C8B: variants seen among roughly 807,000 people sequenced by gnomAD.
C8B encodes complement component C8 beta chain.
A neutral mutation model predicts 64.6 loss-of-function variants in C8B; 67 were observed. The ratio of observed to expected loss-of-function variants is 1.04; its 90% CI spans 0.85 to 1.27. The LOEUF is 1.27. C8B is among the 50% of genes most tolerant of loss of function. The probability of loss-of-function intolerance (pLI) is 0.00; values close to 1 mark genes in which losing one functional copy is unlikely to be tolerated. For missense variants in C8B, 790 were observed against 725.2 expected, an observed-to-expected ratio of 1.09 and a Z score of -1.03; for synonymous variants, 284 against 257.7, an observed-to-expected ratio of 1.10 and a Z score of -0.98.
intron 6 of C8B, among the ~76,000 whole-genome samples, chr1:56,948,889 G>C (rs1180425073): frequency 6.6e-6 from 1 of 152,042 alleles, no homozygotes; most frequent in Non-Finnish European, 1.5e-5. Context: ...GAGAAGTTCT[G>C]GTCTTCAAAG....
chr1:56,963,583 G>A (rs1645209291), intron 1 of C8B, among the ~76,000 whole-genome samples: 3 of 148,382 alleles, frequency 2.0e-5, no homozygotes, highest in African/African-American at 4.9e-5. Context: ...GGAGGTTGGG[G>A]GGTGGTGGGG....
chr1:56,961,225 A>G (rs558610689), intron 1 of C8B, among the ~76,000 whole-genome samples: 2 of 152,338 alleles, frequency 1.3e-5, no homozygotes, highest in East Asian at 3.9e-4. Flanking sequence ...AGGGTGTATT[A>G]CACTGTAAGA....
At chr1:56,957,842 T>G (rs1396143132) in intron 2 of C8B, among the ~76,000 whole-genome samples, 2 of 152,060 alleles carry the variant, frequency 1.3e-5, no homozygotes, top group Non-Finnish European at 2.9e-5. Context: ...TGCACACTCA[T>G]CGGGAGTCCC....
chr1:56,965,222 C>T lies in C8B; in HGVS notation c.92+635G>A, dbSNP rs144288852. ...GGGTTTCTCATGCACACGGAGCATC[C>T]CCACATTGCTACGTCACTGGCTCTT... On this transcript the variant is annotated intron_variant, in intron 1 of 11. Transcript: ENST00000371237. Among the ~76,000 whole-genome samples the T allele has an allele frequency of 3.4e-3, 512 of 152,250 alleles. 4 individuals are homozygous for T. The highest frequency in any genetic ancestry group is 0.012 in the African/African-American group (492 of 41,550).
chr1:56,952,512 T>C (rs535429923), intron 4 of C8B, among the ~76,000 whole-genome samples: 1 of 152,310 alleles, frequency 6.6e-6, no homozygotes, highest in East Asian at 1.9e-4. Context: ...GTTGCCACTA[T>C]GGTGAGAGGT....
intron 5 of C8B, among the ~76,000 whole-genome samples, chr1:56,950,425 G>A (rs948083164): frequency 2.0e-5 from 3 of 152,192 alleles, no homozygotes; most frequent in African/African-American, 7.2e-5. Flanking sequence ...GAACTTAGGA[G>A]AGCCATTTGC....
Position 56,949,612 on chromosome 1 carries a change from A to G in C8B, c.807T>C (p.Ser269=), listed in dbSNP as rs1216400582. The G allele has an allele frequency of 1.9e-6, 3 of 1,614,070 alleles. No homozygotes were observed. Among genetic ancestry groups the G allele is most frequent in the Non-Finnish European group, 2.5e-6 (3 of 1,179,966 alleles). Residue 269 remains serine (S), a synonymous_variant, in exon 6 of 12, where the codon AGT becomes AGC. Coordinates refer to ENST00000371237, the MANE Select transcript of C8B (RefSeq NM_000066.4). ...AGTGTTTGCCTCGATCACTTTGACTACTGATGCCAAGTTCAAATATTCCAG... is the reference window on the plus strand; with the variant it reads ...AGTGTTTGCCTCGATCACTTTGACTGCTGATGCCAAGTTCAAATATTCCAG... The part of the protein sequence containing the change: ...KIPGIFELGI[S]SQSDRGKHYI...
rs74074306 is a variant in C8B, at chr1:56,953,108, T to A, written c.534-928A>T. 1.8e-3 allele frequency among the ~76,000 whole-genome samples: 274 copies of A among 152,300 alleles called. 2 individuals are homozygous for A. The highest frequency in any genetic ancestry group is 6.2e-3 in the African/African-American group (258 of 41,566). Reference sequence around the variant, plus strand: ...CTGCAGCTCTGTGCAATAGATGTTATCTCCATTTTAGAGAGGAAAAGAATC... The same window carrying A: ...CTGCAGCTCTGTGCAATAGATGTTAACTCCATTTTAGAGAGGAAAAGAATC... On this transcript the variant is annotated intron_variant, in intron 4 of 11. Coordinates refer to ENST00000371237, the MANE Select transcript of C8B (RefSeq NM_000066.4).
chr1:56,954,021 C>G (rs1361234248), intron 4 of C8B, among the ~76,000 whole-genome samples: 1 of 152,150 alleles, frequency 6.6e-6, no homozygotes, highest in Non-Finnish European at 1.5e-5. Flanking sequence ...GGTCAGTGTT[C>G]CCCTCCCCAG....
chr1:56,957,682 T>C (rs1033318695), intron 2 of C8B, among the ~76,000 whole-genome samples: 2 of 152,128 alleles, frequency 1.3e-5, no homozygotes, highest in Non-Finnish European at 2.9e-5. Context: ...GTTGAAAAGG[T>C]AGATGTTATT....
intron 1 of C8B, among the ~76,000 whole-genome samples, chr1:56,965,351 T>C (rs1645237824): frequency 6.6e-6 from 1 of 151,530 alleles, no homozygotes; most frequent in Non-Finnish European, 1.5e-5. Context: ...TCAGCCAGCA[T>C]TTAACTGCTG....
At chr1:56,940,367 C>G (rs1254668115) in intron 9 of C8B, among the ~76,000 whole-genome samples, 3 of 151,198 alleles carry the variant, frequency 2.0e-5, no homozygotes, top group South Asian at 4.2e-4. Flanking sequence ...CAGTTCAAGA[C>G]CAACCTGGGC....
intron 10 of C8B, 65 bp downstream of exon 10, chr1:56,933,270 G>T (rs1644728067): frequency 7.3e-7 from 1 of 1,374,604 alleles, no homozygotes; most frequent in Non-Finnish European, 1.0e-6. Flanking sequence ...CAGGCAAATG[G>T]CTGGCCCCCG....
intron 9 of C8B, among the ~76,000 whole-genome samples, chr1:56,938,544 A>G (rs1249766285): frequency 6.6e-6 from 1 of 152,074 alleles, no homozygotes; most frequent in African/African-American, 2.4e-5. Context: ...ACATAATTTC[A>G]ATCTTTTGTG....
Position 56,964,885 on chromosome 1 carries a change from G to C in C8B, c.92+972C>G, listed in dbSNP as rs114892856. Among the ~76,000 whole-genome samples, 483 of 152,280 alleles carry C rather than the reference G, an allele frequency of 3.2e-3. 3 individuals carry two copies. Among genetic ancestry groups the C allele is most frequent in the African/African-American group, 0.011 (450 of 41,548 alleles). ...CTCTGTGTACACACAGTACACACAA[G>C]GAAGGTCTTGGCAGCTTAGTTATTC... On this transcript the variant is annotated intron_variant, in intron 1 of 11. Coordinates refer to ENST00000371237, the MANE Select transcript of C8B (RefSeq NM_000066.4).
chr1:56,936,282 A>G (rs1231929171), intron 9 of C8B, among the ~76,000 whole-genome samples: 1 of 152,208 alleles, frequency 6.6e-6, no homozygotes, highest in Non-Finnish European at 1.5e-5. Context: ...CTATTTGACA[A>G]AAATATCCAT....
intron 2 of C8B, chr1:56,959,710 A>G: frequency 9.3e-7 from 1 of 1,074,834 alleles, no homozygotes; most frequent in South Asian, 1.5e-5. Flanking sequence ...AAGACAACTC[A>G]GACATACACT....
chr1:56,959,799 G>A, intron 2 of C8B: 1 of 735,180 alleles, frequency 1.4e-6, no homozygotes, highest in Non-Finnish European at 2.2e-6. Context: ...TAGGAAGCTA[G>A]TAGAGTGAGA....
intron 4 of C8B, among the ~76,000 whole-genome samples, chr1:56,952,718 C>T (rs1645040782): frequency 6.6e-6 from 1 of 152,214 alleles, no homozygotes; most frequent in Non-Finnish European, 1.5e-5. Context: ...CTGCCCCTTA[C>T]TGCCCAGGTG....
Sources: gnomAD v4.1 joint callset for allele counts (sites outside exome capture counted in the v4.1 genomes callset) on GRCh38, gnomAD v4.1.1 for gene constraint, MANE v1.5 for transcripts, NCBI Gene and HGNC (gene_info 2026-07-23, HGNC 2026-07-21) for gene names.